LHPP: variants seen among roughly 807,000 people sequenced by gnomAD.
The protein encoded by LHPP is hLHPP.
A neutral mutation model predicts 30.3 loss-of-function variants in LHPP; 24 were observed. The ratio of observed to expected loss-of-function variants is 0.79; its 90% CI spans 0.57 to 1.11. LHPP has a LOEUF of 1.11. Among genes scored for constraint, LHPP ranks in the 50% most tolerant of loss-of-function variants. LHPP has a pLI of 0.00. For synonymous variants in LHPP, 150 were observed against 157.1 expected (o/e 0.95, Z 0.34); for missense variants, 356 against 367.2 (o/e 0.97, Z 0.25).
intron 6 of LHPP, among the ~76,000 whole-genome samples, chr10:124,533,464 C>T (rs888514842): frequency 6.6e-6 from 1 of 152,190 alleles, no homozygotes; most frequent in Non-Finnish European, 1.5e-5. Flanking sequence ...CCCTTACTTC[C>T]GATGACCTTG....
At chr10:124,536,831 G>A (rs1589840989) in intron 6 of LHPP, among the ~76,000 whole-genome samples, 1 of 152,154 alleles carries the variant, frequency 6.6e-6, no homozygotes, top group African/African-American at 2.4e-5. Flanking sequence ...GGATTGGCTA[G>A]AACAGTGCAT....
intron 6 of LHPP, among the ~76,000 whole-genome samples, chr10:124,611,208 A>C (rs891120709): frequency 6.6e-6 from 1 of 152,036 alleles, no homozygotes; most frequent in Admixed American, 6.5e-5. Flanking sequence ...GGGTGCTGGC[A>C]ACTGCCCTTT....
rs1948656555 is a variant in LHPP, at chr10:124,576,120, T to C, written c.717-37144T>C. On this transcript the variant is annotated intron_variant, in intron 6 of 6. Coordinates refer to ENST00000368842, the MANE Select transcript of LHPP (RefSeq NM_022126.4). This position sits in a 1 kb window ranked among gnomAD's most constrained non-coding sequence, Gnocchi z 4.2. ...AGACCTGGTTTCTTAACCACTGTGT[T>C]CACTGAACACCCCGGGCTTGATCAG... is the stretch of plus-strand genomic sequence containing the variant. Among the ~76,000 whole-genome samples, 2 of 152,164 alleles carry C rather than the reference T, an allele frequency of 1.3e-5. No individual in the cohort carries two copies. Among genetic ancestry groups the C allele is most frequent in the African/African-American group, 4.8e-5 (2 of 41,418 alleles).
At chr10:124,537,644 T>G (rs1383073948) in intron 6 of LHPP, among the ~76,000 whole-genome samples, 1 of 152,168 alleles carries the variant, frequency 6.6e-6, no homozygotes, top group Non-Finnish European at 1.5e-5. Flanking sequence ...AGGGCACCCA[T>G]TTTCAGCTGC....
Position 124,501,945 on chromosome 10 carries a change from C to T in LHPP, c.624+3817C>T, listed in dbSNP as rs1291973404. Among the ~76,000 whole-genome samples the T allele has an allele frequency of 2.6e-5, 4 of 151,858 alleles. 1 individual carries two copies. The highest frequency in any genetic ancestry group is 9.7e-5 in the African/African-American group (4 of 41,178). ...CTCTTTTTAGCCCTCCATCATAGAACATTTGAAATATCTATGTCAGTAGAG... is the reference window on the plus strand; with the variant it reads ...CTCTTTTTAGCCCTCCATCATAGAATATTTGAAATATCTATGTCAGTAGAG... On this transcript the variant is annotated intron_variant, in intron 5 of 6. Coordinates refer to ENST00000368842, the MANE Select transcript of LHPP (RefSeq NM_022126.4).
chr10:124,581,578 C>T (rs910537410), intron 6 of LHPP, among the ~76,000 whole-genome samples: 1 of 152,182 alleles, frequency 6.6e-6, no homozygotes, highest in African/African-American at 2.4e-5. Flanking sequence ...TCTTATCTGA[C>T]TGTTTAATTC....
intron 6 of LHPP, among the ~76,000 whole-genome samples, chr10:124,566,131 G>A (rs1384901133): frequency 1.3e-5 from 2 of 152,218 alleles, no homozygotes; most frequent in Non-Finnish European, 1.5e-5. Context: ...GAGCCCGGTG[G>A]TTCCAGCCCA....
chr10:124,485,987 G>C lies in LHPP; in HGVS notation c.313+1661G>C, dbSNP rs531087456. 1.5e-4 allele frequency among the ~76,000 whole-genome samples: 23 copies of C among 151,880 alleles called. No individual in the cohort carries two copies. The South Asian group carries it at 4.8e-3, about 32-fold the overall frequency. On this transcript the variant is annotated intron_variant, in intron 2 of 6. Transcript: ENST00000368842. ...TCACTTTATATCCATCCATCCCTCC[G>C]TCTGTCTATCCATGTTATTATTTAG...
At chr10:124,550,092 G>A (rs6597842) in intron 6 of LHPP, among the ~76,000 whole-genome samples, 362 of 152,344 alleles carry the variant, frequency 2.4e-3, no homozygotes, top group African/African-American at 8.4e-3. Context: ...AAGGGCCTCC[G>A]AGCCAGGCTC....
At chr10:124,515,970 C>T (rs559673134) in intron 5 of LHPP, among the ~76,000 whole-genome samples, 8 of 152,338 alleles carry the variant, frequency 5.3e-5, no homozygotes, top group African/African-American at 1.4e-4. Flanking sequence ...CAGCCTTCTC[C>T]TCTCTGATTC....
rs527376573 is a variant in LHPP at position 124,529,066 on chromosome 10, C to G, written c.716+11795C>G. Among the ~76,000 whole-genome samples, 31 of 130,566 alleles carry G rather than the reference C, an allele frequency of 2.4e-4. No individual in the cohort carries two copies. The East Asian group carries it at 3.9e-3, about 16-fold the overall frequency. 85.7% of individuals were successfully genotyped at this position (130,566 alleles called of 152,430 possible). On this transcript the variant is annotated intron_variant, in intron 6 of 6. Transcript: ENST00000368842. ...TTTTTTTTTGAGACAGAGTCTTGCT[C>G]TGTCGCCCAGGCTGGAGTGCAGTGG...
In LHPP at chr10:124,507,929, G is replaced by A. The variant is rs1041968296; in HGVS notation, c.625-9251G>A. Among the ~76,000 whole-genome samples the A allele has an allele frequency of 1.6e-4, 12 of 77,260 alleles. 1 individual carries two copies. The highest frequency in any genetic ancestry group is 2.7e-4 in the Non-Finnish European group (11 of 41,400). The allele number at this position is 77,260 out of a possible 152,430, so 50.7% of individuals were successfully genotyped here. A position where few individuals can be genotyped will look rare whatever the true frequency, so the allele number is the denominator to read the frequency against. ...GACAGGATTTCAGGTGGGGAGGGTA[G>A]GCATGAGGGCTGCAGTGATCTTCAT... is the stretch of plus-strand genomic sequence containing the variant. On this transcript the variant is annotated intron_variant, in intron 5 of 6. Coordinates refer to ENST00000368842, the MANE Select transcript of LHPP (RefSeq NM_022126.4).
chr10:124,611,359 C>T (rs561865947), intron 6 of LHPP, among the ~76,000 whole-genome samples: 1 of 152,202 alleles, frequency 6.6e-6, no homozygotes, highest in Admixed American at 6.5e-5. Context: ...TGAGCTGTTT[C>T]CTCACCTGTT....
chr10:124,535,666 C>T (rs886512623), intron 6 of LHPP, among the ~76,000 whole-genome samples: 2 of 152,210 alleles, frequency 1.3e-5, no homozygotes, highest in Non-Finnish European at 2.9e-5. Context: ...CATCGGGATC[C>T]CAAAGTGCTG....
chr10:124,516,556 T>A, intron 5 of LHPP, among the ~76,000 whole-genome samples: 1 of 152,198 alleles, frequency 6.6e-6, no homozygotes, highest in East Asian at 1.9e-4. Context: ...TTGTCCTTCG[T>A]TGCTTGATGT....
In LHPP at chr10:124,541,767, T is replaced by C. The variant is rs1448094373; in HGVS notation, c.716+24496T>C. Among the ~76,000 whole-genome samples, 1 of 152,044 alleles carries C rather than the reference T, an allele frequency of 6.6e-6. No homozygotes were observed. Among genetic ancestry groups the C allele is most frequent in the Non-Finnish European group, 1.5e-5 (1 of 67,986 alleles). Reference sequence around the variant, plus strand: ...CGCTGGACACTGGGGAGGGCTCTAATGGTATTTGCACAAATTTGCAATGTT... The same window carrying C: ...CGCTGGACACTGGGGAGGGCTCTAACGGTATTTGCACAAATTTGCAATGTT... On this transcript the variant is annotated intron_variant, in intron 6 of 6. Transcript: ENST00000368842. This position sits in a 1 kb window ranked among gnomAD's most constrained non-coding sequence, Gnocchi z 4.2.
Position 124,613,590 on chromosome 10 carries a change from T to G in LHPP, c.*230T>G. 1 of 576,696 alleles carries G rather than the reference T, an allele frequency of 1.7e-6. No homozygotes were observed. The highest frequency in any genetic ancestry group is 3.1e-6 in the Non-Finnish European group (1 of 320,532). The allele number at this position is 576,696 out of a possible 1,614,324, so 35.7% of individuals were successfully genotyped here. A position where few individuals can be genotyped will look rare whatever the true frequency, so the allele number is the denominator to read the frequency against. The stretch of plus-strand genomic sequence containing the variant: ...CATGGGCAGGCATTTGTTCCCTACC[T>G]GGGTGGCCTGCTCCCCTGCCTGGGC... On this transcript the variant is annotated 3_prime_UTR_variant, in exon 7 of 7. Transcript: ENST00000368842.
intron 6 of LHPP, among the ~76,000 whole-genome samples, chr10:124,567,815 C>A (rs187391764): frequency 2.0e-5 from 3 of 152,372 alleles, no homozygotes; most frequent in Admixed American, 6.5e-5. Flanking sequence ...CATGCACACA[C>A]TGTACCCACG....
intron 6 of LHPP, among the ~76,000 whole-genome samples, chr10:124,555,778 A>G (rs1252626842): frequency 1.3e-5 from 2 of 152,054 alleles, no homozygotes; most frequent in Admixed American, 6.5e-5. Context: ...AATAGTTTGC[A>G]TTTTTTCTTA....
Sources: gnomAD v4.1 joint callset for allele counts (sites outside exome capture counted in the v4.1 genomes callset) on GRCh38, gnomAD v4.1.1 for gene constraint, Gnocchi (gnomAD v3.1) non-coding constraint, MANE v1.5 for transcripts, NCBI Gene and HGNC (gene_info 2026-07-23, HGNC 2026-07-21) for gene names.